DNAAF5: variants seen among roughly 807,000 people sequenced by gnomAD.
DNAAF5 encodes dynein axonemal assembly factor 5.
DNAAF5 carries 64 observed loss-of-function variants against 75.8 expected under a neutral mutation model. The observed-to-expected ratio is 0.84, with a 90% CI of 0.69 to 1.04. The LOEUF (loss-of-function observed/expected upper bound fraction) is 1.04. DNAAF5 is among the 50% of genes least tolerant of loss of function. The pLI, the probability that DNAAF5 is intolerant of heterozygous loss-of-function variation, is 0.00. For missense variants in DNAAF5, 1,269 were observed against 1,178.5 expected (o/e 1.08, Z -1.12); for synonymous variants, 657 against 557.2 (o/e 1.18, Z -2.52).
intron 12 of DNAAF5, among the ~76,000 whole-genome samples, chr7:783,038 G>T (rs973227404): frequency 8.5e-5 from 13 of 152,254 alleles, no homozygotes; most frequent in Non-Finnish European, 1.8e-4. Context: ...TGGTGGCAGG[G>T]CCAAGCTTTG....
intron 9 of DNAAF5, chr7:771,581 T>A (rs1778566820): frequency 6.6e-6 from 1 of 152,314 alleles, no homozygotes; most frequent in Non-Finnish European, 1.5e-5. Context: ...CCTGTCGTAC[T>A]GCAGGAAATT....
intron 2 of DNAAF5, among the ~76,000 whole-genome samples, chr7:735,465 C>A (rs532359559): frequency 4.0e-5 from 6 of 150,240 alleles, no homozygotes; most frequent in Non-Finnish European, 8.8e-5. Context: ...TGTAGCTGCT[C>A]CCGGTGTAGC....
intron 6 of DNAAF5, among the ~76,000 whole-genome samples, chr7:757,465 C>T (rs189072217): frequency 6.6e-6 from 1 of 151,800 alleles, no homozygotes; most frequent in African/African-American, 2.4e-5. Flanking sequence ...AGGGTACCTG[C>T]ACAGATCGCA....
chr7:774,234 CG>C, intron 10 of DNAAF5, 36 bp downstream of exon 10: 2 of 1,565,950 alleles, frequency 1.3e-6, no homozygotes, highest in Admixed American at 1.8e-5. Flanking sequence ...GGACACCGGC[CG>C]GGGACTGCGC....
chr7:757,847 C>A (rs564627847), intron 6 of DNAAF5, among the ~76,000 whole-genome samples: 1 of 152,208 alleles, frequency 6.6e-6, no homozygotes, highest in Non-Finnish European at 1.5e-5. Context: ...CCGGCTCGAT[C>A]GTTTCCGGCG....
chr7:783,180 C>T (rs941340164), intron 12 of DNAAF5, among the ~76,000 whole-genome samples: 2 of 152,232 alleles, frequency 1.3e-5, no homozygotes, highest in African/African-American at 4.8e-5. Flanking sequence ...GTCCGCACAG[C>T]CAGGGTGGGT....
intron 7 of DNAAF5, 71 bp downstream of exon 7, chr7:761,967 TG>T (rs1782663470): frequency 1.7e-6 from 1 of 580,092 alleles, no homozygotes; most frequent in Admixed American, 4.2e-5. Context: ...CTAAGTGAGG[TG>T]AACTGTCTCC....
intron 4 of DNAAF5, among the ~76,000 whole-genome samples, chr7:747,022 C>G (rs1308083489): frequency 1.3e-5 from 2 of 152,254 alleles, no homozygotes; most frequent in African/African-American, 4.8e-5. Context: ...GATGGACCAT[C>G]TGGTCACCAG....
chr7:755,171 T>G (rs1482878366), intron 5 of DNAAF5, among the ~76,000 whole-genome samples: 1 of 152,204 alleles, frequency 6.6e-6, no homozygotes, highest in Non-Finnish European at 1.5e-5. Context: ...AGCATTGACA[T>G]CTGGACTGTC....
At position 752,989 on chromosome 7, in the gene DNAAF5, A is replaced by G. The variant is rs146073481; in HGVS notation, c.1025-1600A>G. On this transcript the variant is annotated intron_variant, in intron 4 of 12. Transcript: ENST00000297440. ...GGCGTCGTTAGTCATCGGGGAATGC[A>G]AAGGAAAAGCACACGGAAATGCCAC... Among the ~76,000 whole-genome samples the G allele has an allele frequency of 3.6e-4, 55 of 152,378 alleles. 1 individual carries two copies. In the East Asian group the frequency reaches 0.01, roughly 28 times the overall value.
intron 11 of DNAAF5, among the ~76,000 whole-genome samples, chr7:777,011 C>T (rs1023424276): frequency 1.3e-5 from 2 of 152,190 alleles, no homozygotes; most frequent in African/African-American, 2.4e-5. Flanking sequence ...AGCTGACGCT[C>T]CTTATGAAAC....
chr7:752,698 C>T lies in DNAAF5; in HGVS notation c.1025-1891C>T, dbSNP rs188699863. Among the ~76,000 whole-genome samples the T allele has an allele frequency of 4.2e-3, 641 of 152,310 alleles. 7 individuals carry two copies. Among genetic ancestry groups the T allele is most frequent in the African/African-American group, 0.015 (617 of 41,554 alleles). ...TTCCCTGGGTGCGTCCTCAAAAGACCGCTCTGTAACAGGGTAAAGCAATGT... is the reference window on the plus strand; with the variant it reads ...TTCCCTGGGTGCGTCCTCAAAAGACTGCTCTGTAACAGGGTAAAGCAATGT... On this transcript the variant is annotated intron_variant, in intron 4 of 12. Transcript: ENST00000297440.
At chr7:783,463 C>A (rs1018811307) in intron 12 of DNAAF5, among the ~76,000 whole-genome samples, 7 of 152,110 alleles carry the variant, frequency 4.6e-5, no homozygotes, top group Non-Finnish European at 1.5e-5. Flanking sequence ...ACTCACAGAC[C>A]CTCTGAAGGG....
intron 2 of DNAAF5, among the ~76,000 whole-genome samples, chr7:736,214 T>A (rs763246419): frequency 6.6e-5 from 10 of 152,250 alleles, no homozygotes; most frequent in Non-Finnish European, 4.4e-5. Flanking sequence ...TAAATACCTA[T>A]GAGGTCCATT....
Position 733,432 on chromosome 7 carries a change from A to G in DNAAF5, c.780+3585A>G, listed in dbSNP as rs145512062. Among the ~76,000 whole-genome samples, 5 of 152,296 alleles carry G rather than the reference A, an allele frequency of 3.3e-5. No homozygotes were observed. The East Asian group carries it at 9.6e-4, about 29-fold the overall frequency. ...TAGTATGGACAATATTGATTCTTCC[A>G]GTCCATGGAGTATGTTACCATTTTT... On this transcript the variant is annotated intron_variant, in intron 2 of 12. Transcript: ENST00000297440.
At chr7:764,184 AC>A (rs755856211) in intron 8 of DNAAF5, among the ~76,000 whole-genome samples, 16 of 152,220 alleles carry the variant, frequency 1.1e-4, no homozygotes, top group Non-Finnish European at 1.6e-4. Flanking sequence ...CAGCTCTTCC[AC>A]TTGGCCCGGG....
chr7:736,667 G>T (rs1420828245), intron 2 of DNAAF5, among the ~76,000 whole-genome samples: 1 of 152,196 alleles, frequency 6.6e-6, no homozygotes, highest in African/African-American at 2.4e-5. Context: ...CAGCCGCTCT[G>T]TCTTTTGAAT....
intron 2 of DNAAF5, among the ~76,000 whole-genome samples, chr7:735,905 G>A (rs1021530613): frequency 1.6e-4 from 24 of 152,106 alleles, no homozygotes; most frequent in Non-Finnish European, 3.5e-4. Context: ...GAATGTAGGT[G>A]CTAATTGCTA....
chr7:727,606 C>A (rs1781393058), intron 1 of DNAAF5: 1 of 195,188 alleles, frequency 5.1e-6, no homozygotes, highest in Middle Eastern at 1.8e-3. Context: ...CCTGCGCTGC[C>A]ACGTGCTCCT....
Sources: gnomAD v4.1 joint callset for allele counts (sites outside exome capture counted in the v4.1 genomes callset) on GRCh38, gnomAD v4.1.1 for gene constraint, MANE v1.5 for transcripts, NCBI Gene and HGNC (gene_info 2026-07-23, HGNC 2026-07-21) for gene names.